Variants in CALN1 observed in about 807,000 individuals in gnomAD.
The protein encoded by CALN1 is calcium-binding protein 8.
In CALN1, 17 loss-of-function variants were observed where a neutral mutation model predicts 30.6. The observed-to-expected ratio is 0.56, with a 90% CI of 0.38 to 0.83. CALN1 has a LOEUF of 0.83. Ranked by LOEUF, CALN1 falls within the 40% of genes least tolerant of loss-of-function variation. CALN1 has a pLI of 0.00. For missense variants in CALN1, 291 were observed against 354.9 expected (o/e 0.82, Z 1.45); for synonymous variants, 156 against 131.4 (o/e 1.19, Z -1.28).
chr7:72,117,691 C>T (rs1222431519), intron 3 of CALN1, among the ~76,000 whole-genome samples: 1 of 152,106 alleles, frequency 6.6e-6, no homozygotes, highest in Non-Finnish European at 1.5e-5. Flanking sequence ...GACACGGTGG[C>T]TCCCACCTGT....
chr7:72,426,953 G>T (rs1585717092), intron 1 of CALN1, among the ~76,000 whole-genome samples: 1 of 152,146 alleles, frequency 6.6e-6, no homozygotes, highest in Non-Finnish European at 1.5e-5. Flanking sequence ...CCCCCCATTG[G>T]CCTTCCTGCC....
chr7:72,036,657 G>A (rs777643002), intron 4 of CALN1, among the ~76,000 whole-genome samples: 51 of 152,092 alleles, frequency 3.4e-4, no homozygotes, highest in Middle Eastern at 3.4e-3. Context: ...TTTGGCTTTA[G>A]AATTTCTCTT....
At chr7:72,501,148 T>C in the CALN1 span, among the ~76,000 whole-genome samples, 1 of 151,892 alleles carries the variant, frequency 6.6e-6, no homozygotes, top group Non-Finnish European at 1.5e-5. Flanking sequence ...GACACCAGGA[T>C]TGGAGATAAA....
At chr7:72,382,041 A>G (rs1804934085) in intron 2 of CALN1, among the ~76,000 whole-genome samples, 3 of 152,212 alleles carry the variant, frequency 2.0e-5, no homozygotes, top group Non-Finnish European at 4.4e-5. Context: ...AATAGTTAAC[A>G]TTTTTGAAAT....
chr7:72,251,000 C>G (rs1795515201), intron 3 of CALN1, among the ~76,000 whole-genome samples: 1 of 152,136 alleles, frequency 6.6e-6, no homozygotes, highest in African/African-American at 2.4e-5. Context: ...CTGGTCACCC[C>G]AATGTTCCCC....
At position 72,146,166 on chromosome 7, in the gene CALN1, A is replaced by T. The variant is rs535697939; in HGVS notation, c.245-39872T>A. Among the ~76,000 whole-genome samples, 6 of 152,310 alleles carry T rather than the reference A, an allele frequency of 3.9e-5. No homozygotes were observed. In the South Asian group the frequency reaches 1.2e-3, roughly 32 times the overall value. On this transcript the variant is annotated intron_variant, in intron 3 of 6. Transcript: ENST00000395275. ...GAAATAAAGGGTATTCAATTAGGAA[A>T]AGAGGAAGTCAAATTGTCCCTCTTT...
intron 5 of CALN1, among the ~76,000 whole-genome samples, chr7:71,821,082 T>C (rs1788559084): frequency 6.6e-6 from 1 of 152,260 alleles, no homozygotes; most frequent in East Asian, 1.9e-4. Context: ...CCCAGTAGAA[T>C]AGCCTAGGAT....
At chr7:71,800,916 T>G (rs1399449623) in intron 6 of CALN1, among the ~76,000 whole-genome samples, 1 of 152,140 alleles carries the variant, frequency 6.6e-6, no homozygotes, top group Admixed American at 6.5e-5. Context: ...ACCCATTAGG[T>G]AGGTATTCAG....
intron 5 of CALN1, among the ~76,000 whole-genome samples, chr7:71,819,434 C>T (rs74680759): frequency 1.3e-5 from 2 of 152,166 alleles, no homozygotes; most frequent in East Asian, 3.9e-4. Flanking sequence ...GAACTCCCGA[C>T]CTCAAGTGAT....
At chr7:72,123,357 T>C (rs975875080) in intron 3 of CALN1, among the ~76,000 whole-genome samples, 1 of 152,274 alleles carries the variant, frequency 6.6e-6, no homozygotes, top group Admixed American at 6.5e-5. Context: ...TGATAAATGG[T>C]GGGAGTTGGA....
intron 3 of CALN1, among the ~76,000 whole-genome samples, chr7:72,129,195 G>A (rs372843161): frequency 2.6e-5 from 4 of 152,138 alleles, no homozygotes; most frequent in African/African-American, 9.7e-5. Flanking sequence ...CACCTAGAAG[G>A]CAGATAAAGA....
intron 3 of CALN1, among the ~76,000 whole-genome samples, chr7:72,135,799 C>T (rs1312853225): frequency 3.9e-5 from 6 of 152,142 alleles, no homozygotes; most frequent in Non-Finnish European, 7.3e-5. Context: ...ACTTCTCCTA[C>T]CCAGCTATGA....
At chr7:72,094,289 T>C (rs1372069838) in intron 4 of CALN1, among the ~76,000 whole-genome samples, 1 of 152,084 alleles carries the variant, frequency 6.6e-6, no homozygotes, top group Non-Finnish European at 1.5e-5. Context: ...TTTTTAACTC[T>C]TGTTGCCCAG....
chr7:71,999,359 A>C (rs767966054), intron 5 of CALN1, among the ~76,000 whole-genome samples: 1 of 152,172 alleles, frequency 6.6e-6, no homozygotes, highest in African/African-American at 2.4e-5. Flanking sequence ...AAAACAGACA[A>C]ATTCACAATT....
intron 4 of CALN1, among the ~76,000 whole-genome samples, chr7:72,085,050 T>C (rs34925287): frequency 0.25 from 38,076 of 152,110 alleles, 5,010 homozygotes; most frequent in Middle Eastern, 0.29. Context: ...CATGGCTCCA[T>C]GATGACCAGG....
At chr7:72,369,920 C>CTAAT (rs1488023599) in intron 2 of CALN1, among the ~76,000 whole-genome samples, 21 of 152,136 alleles carry the variant, frequency 1.4e-4, no homozygotes, top group Non-Finnish European at 2.9e-4. Context: ...AATAAAGCTG[C>CTAAT]AATTAGTAGT....
At chr7:71,960,926 C>G (rs571925058) in intron 5 of CALN1, among the ~76,000 whole-genome samples, 16 of 152,276 alleles carry the variant, frequency 1.1e-4, no homozygotes, top group Non-Finnish European at 1.5e-4. Context: ...AAGCGATTCT[C>G]GTGCCTCAGC....
At chr7:72,283,829 A>AG (rs1357624456) in intron 2 of CALN1, among the ~76,000 whole-genome samples, 2 of 152,232 alleles carry the variant, frequency 1.3e-5, no homozygotes, top group Non-Finnish European at 2.9e-5. Context: ...AGTATGCAGA[A>AG]GGGGCTACTT....
intron 5 of CALN1, chr7:71,942,273 C>T (rs374312391): frequency 3.9e-5 from 8 of 204,976 alleles, no homozygotes; most frequent in East Asian, 1.6e-4. Flanking sequence ...ACACCAGCCA[C>T]GTGCAGCCTA....
Sources: gnomAD v4.1 joint callset for allele counts (sites outside exome capture counted in the v4.1 genomes callset) on GRCh38, gnomAD v4.1.1 for gene constraint, MANE v1.5 for transcripts, NCBI Gene and HGNC (gene_info 2026-07-23, HGNC 2026-07-21) for gene names.